PRSS54: variants seen among roughly 807,000 people sequenced by gnomAD.
PRSS54 encodes the protein inactive serine protease 54.
A neutral mutation model predicts 19.9 loss-of-function variants in PRSS54; 16 were observed. The observed-to-expected ratio is 0.80, with a 90% confidence interval of 0.54 to 1.22. PRSS54 has a LOEUF of 1.22. Ranked by LOEUF, PRSS54 falls within the 50% of genes most tolerant of loss-of-function variation. The pLI, the probability that PRSS54 is intolerant of heterozygous loss-of-function variation, is 0.00. For missense variants in PRSS54, 444 were observed against 494.8 expected, an observed-to-expected ratio of 0.90 and a Z score of 0.97; for synonymous variants, 177 against 195.8, an observed-to-expected ratio of 0.90 and a Z score of 0.80.
chr16:58,284,537 A>G, intron 6 of PRSS54, 53 bp downstream of exon 6: 1 of 1,608,548 alleles, frequency 6.2e-7, no homozygotes, highest in South Asian at 1.1e-5. Flanking sequence ...GCTCCCCTGG[A>G]TGTGACCAAG....
intron 4 of PRSS54, among the ~76,000 whole-genome samples, chr16:58,288,594 C>T (rs1964969385): frequency 6.6e-6 from 1 of 152,128 alleles, no homozygotes; most frequent in South Asian, 2.1e-4. Context: ...CAGTAGCTCT[C>T]AGGATTTTAA....
chr16:58,293,501 C>T, intron 3 of PRSS54: 3 of 978,896 alleles, frequency 3.1e-6, no homozygotes, highest in Non-Finnish European at 3.6e-6. Flanking sequence ...TTTTCCTAAC[C>T]ACACTCCCAC....
chr16:58,282,603 CAT>C (rs1240819751), intron 6 of PRSS54: 1 of 152,300 alleles, frequency 6.6e-6, no homozygotes, highest in African/African-American at 2.4e-5. Context: ...CAAGGCCAGA[CAT>C]GTGAGGAAGG....
Position 58,280,371 on chromosome 16 carries a change from A to G in PRSS54, c.1041T>C (p.Pro347=). 6.2e-7 allele frequency: 1 copy of G among 1,614,228 alleles called. No homozygotes were observed. Among genetic ancestry groups the G allele is most frequent in the South Asian group, 1.1e-5 (1 of 91,082 alleles). ...EKDVKESGRS[P]EASVQPLYYD... is the part of the protein sequence containing the mutation. ...AGTATAAGGGTTGTACAGACGCCTC[A>G]GGAGACCTGCCTGATTCCTTTACAT... is the stretch of plus-strand genomic sequence containing the variant. Residue 347 remains proline (P), a synonymous_variant, in exon 7 of 7, where the codon CCT becomes CCC. Transcript: ENST00000567164.
intron 6 of PRSS54, chr16:58,281,672 G>C (rs1020002989): frequency 6.6e-6 from 1 of 152,270 alleles, no homozygotes; most frequent in African/African-American, 2.4e-5. Flanking sequence ...CTGGCTGGAA[G>C]GCCCAGGCAA....
intron 3 of PRSS54, among the ~76,000 whole-genome samples, chr16:58,292,019 C>T (rs1345588234): frequency 2.0e-5 from 3 of 152,134 alleles, no homozygotes; most frequent in Non-Finnish European, 2.9e-5. Context: ...ACCTCTGCCT[C>T]CTGGGTTCAA....
chr16:58,293,544 A>G, intron 3 of PRSS54, 188 bp downstream of exon 3: 1 of 985,374 alleles, frequency 1.0e-6, no homozygotes, highest in Non-Finnish European at 1.2e-6. Context: ...AGTTTCCTCC[A>G]TCCACGTCCC....
chr16:58,293,837 C>A lies in PRSS54; in HGVS notation c.-6-15G>T. 6.2e-7 allele frequency: 1 copy of A among 1,602,808 alleles called. No homozygotes were observed. The highest frequency in any genetic ancestry group is 1.1e-5 in the South Asian group (1 of 89,100). ...ACCATGGGCAGCTGGGGAAACAAAA[C>A]CCAATGACTCCATCCTCTTCCCAAA... is the stretch of plus-strand genomic sequence containing the variant. On this transcript the variant is annotated splice_polypyrimidine_tract_variant and intron_variant, in intron 2 of 6. Transcript: ENST00000567164.
At chr16:58,285,841 C>A (rs1964909834) in intron 5 of PRSS54, 96 bp downstream of exon 5, 1 of 1,434,942 alleles carries the variant, frequency 7.0e-7, no homozygotes, top group African/African-American at 1.4e-5. Context: ...AAGCAAACTC[C>A]ATTATTAAAT....
At chr16:58,287,245 A>G (rs771381836) in intron 4 of PRSS54, among the ~76,000 whole-genome samples, 2 of 152,108 alleles carry the variant, frequency 1.3e-5, no homozygotes, top group Non-Finnish European at 2.9e-5. Flanking sequence ...AGTAGTTAAC[A>G]CTGAGACATA....
chr16:58,286,867 G>A (rs1204358982), intron 4 of PRSS54, among the ~76,000 whole-genome samples: 5 of 152,216 alleles, frequency 3.3e-5, no homozygotes, highest in African/African-American at 7.2e-5. Context: ...GAAAAAGCTC[G>A]TTGAGCATGT....
chr16:58,288,063 G>A (rs144681169), intron 4 of PRSS54, among the ~76,000 whole-genome samples: 181 of 152,234 alleles, frequency 1.2e-3, no homozygotes, highest in Non-Finnish European at 2.0e-3. Flanking sequence ...ATCCTAAATA[G>A]ATCACCACGT....
At position 58,280,752 on chromosome 16, in the gene PRSS54, G is replaced by A. The variant is rs755238407; in HGVS notation, c.660C>T (p.Asp220=). 6.2e-7 allele frequency: 1 copy of A among 1,600,186 alleles called. No individual in the cohort carries two copies. Among genetic ancestry groups the A allele is most frequent in the East Asian group, 2.2e-5 (1 of 44,566 alleles). The change falls in exon 7 of 7, where the codon GAC becomes GAT. Residue 220 remains aspartate (D), a synonymous_variant. Coordinates refer to ENST00000567164, the MANE Select transcript of PRSS54 (RefSeq NM_001305173.2). ...KEETKTACLG[D]PGSPMMCQLQ... Reference sequence around the variant, plus strand: ...GCTGGCACATCATTGGGCTTCCTGGGTCCCCCTGTGATAAAAGACAGAAGG... The same window carrying A: ...GCTGGCACATCATTGGGCTTCCTGGATCCCCCTGTGATAAAAGACAGAAGG...
At chr16:58,283,997 C>G (rs1006854729) in intron 6 of PRSS54, among the ~76,000 whole-genome samples, 1 of 152,152 alleles carries the variant, frequency 6.6e-6, no homozygotes, top group African/African-American at 2.4e-5. Context: ...GAGATAAACA[C>G]TGTCTGGATA....
intron 5 of PRSS54, among the ~76,000 whole-genome samples, 193 bp downstream of exon 5, chr16:58,285,744 A>AAAAAAAAAAAG (rs146167626): frequency 3.9e-5 from 3 of 77,366 alleles, no homozygotes; most frequent in East Asian, 6.3e-4. Flanking sequence ...AAAAAAAAAA[A>AAAAAAAAAAAG]AAGAAGAAGA....
At chr16:58,289,780 T>C (rs181475455) in intron 4 of PRSS54, among the ~76,000 whole-genome samples, 99 of 152,090 alleles carry the variant, frequency 6.5e-4, no homozygotes, top group South Asian at 1.5e-3. Context: ...GCCATGTTGA[T>C]CAGGCTGGTC....
At chr16:58,284,922 C>T (rs777543949) in intron 5 of PRSS54, among the ~76,000 whole-genome samples, 15 of 151,536 alleles carry the variant, frequency 9.9e-5, no homozygotes, top group Non-Finnish European at 1.8e-4. Context: ...TCAAGCAATT[C>T]TCCTGCCTCA....
chr16:58,283,565 G>T (rs1358046812), intron 6 of PRSS54: 3 of 152,140 alleles, frequency 2.0e-5, no homozygotes, highest in Non-Finnish European at 4.4e-5. Context: ...AAAAATGATG[G>T]TGCATTCTAT....
At chr16:58,284,458 C>A in intron 6 of PRSS54, 132 bp downstream of exon 6, 1 of 990,240 alleles carries the variant, frequency 1.0e-6, no homozygotes, top group Non-Finnish European at 1.5e-6. Context: ...GCTATTCACT[C>A]CAGAGACAGC....
Sources: gnomAD v4.1 joint callset for allele counts (sites outside exome capture counted in the v4.1 genomes callset) on GRCh38, gnomAD v4.1.1 for gene constraint, MANE v1.5 for transcripts, NCBI Gene and HGNC (gene_info 2026-07-23, HGNC 2026-07-21) for gene names.